The following FILIP1L variants were observed in gnomAD, a reference collection of about 807,000 sequenced individuals.
FILIP1L encodes filamin A-interacting protein 1-like.
In FILIP1L, 55 loss-of-function variants were observed where a neutral mutation model predicts 96.6. The ratio of observed to expected loss-of-function variants is 0.57; its 90% CI spans 0.46 to 0.71. FILIP1L has a LOEUF of 0.71. Among genes scored for constraint, FILIP1L ranks in the 30% least tolerant of loss-of-function variants. The pLI is 0.00. For synonymous variants in FILIP1L, 467 were observed against 473.9 expected (o/e 0.99, Z 0.19); for missense variants, 1,304 against 1,321.2 (o/e 0.99, Z 0.20).
intron 1 of FILIP1L, among the ~76,000 whole-genome samples, chr3:99,979,750 C>G (rs1709066778): frequency 6.6e-6 from 1 of 152,084 alleles, no homozygotes; most frequent in African/African-American, 2.4e-5. Flanking sequence ...TGGCATTGCT[C>G]TAGTATTGTA....
intron 1 of FILIP1L, among the ~76,000 whole-genome samples, chr3:100,112,503 A>C (rs779687484): frequency 1.3e-5 from 2 of 152,244 alleles, no homozygotes; most frequent in Non-Finnish European, 2.9e-5. Flanking sequence ...TAAATTTATT[A>C]CTTAAATTTA....
chr3:99,927,455 C>T (rs373318723), intron 3 of FILIP1L, among the ~76,000 whole-genome samples: 28 of 151,748 alleles, frequency 1.8e-4, no homozygotes, highest in African/African-American at 6.5e-4. Context: ...TCGCGATCTC[C>T]GCCTCCTGGG....
At position 99,849,250 on chromosome 3, in the gene FILIP1L, G is replaced by A. The variant is rs1353519971; in HGVS notation, c.2426C>T (p.Pro809Leu). 2 of 1,614,096 alleles carry A rather than the reference G, an allele frequency of 1.2e-6. No homozygotes were observed. Among genetic ancestry groups the A allele is most frequent in the East Asian group, 4.5e-5 (2 of 44,890 alleles). ...EVQTEAVDNEPPDYKSLIPLE... is the reference protein window; with the variant it reads ...EVQTEAVDNELPDYKSLIPLE... The stretch of plus-strand genomic sequence containing the variant: ...AGGAATGAGGCTCTTGTAATCAGGT[G>A]GTTCATTGTCTACTGCTTCTGTCTG... The change falls in exon 5 of 6, where the codon CCA (proline) becomes CTA (leucine). Residue 809 changes from proline to leucine, a missense_variant. Transcript: ENST00000477258.
chr3:100,023,029 T>A (rs148976260), intron 1 of FILIP1L, among the ~76,000 whole-genome samples: 1 of 152,244 alleles, frequency 6.6e-6, no homozygotes, highest in East Asian at 1.9e-4. Context: ...CACCTCTCCA[T>A]GAGTTTCAGG....
chr3:100,021,974 A>T (rs866849784), intron 1 of FILIP1L, among the ~76,000 whole-genome samples: 3,263 of 146,614 alleles, frequency 0.022, 127 homozygotes, highest in African/African-American at 0.078. Flanking sequence ...AGAGAGAGAG[A>T]GAGAGAGAGA....
intron 1 of FILIP1L, among the ~76,000 whole-genome samples, chr3:100,001,402 T>C (rs565386011): frequency 5.3e-5 from 8 of 152,340 alleles, no homozygotes; most frequent in Non-Finnish European, 8.8e-5. Flanking sequence ...TATCTGGCTT[T>C]TTAGGGAAAA....
At chr3:99,863,334 G>C (rs982930197) in intron 4 of FILIP1L, among the ~76,000 whole-genome samples, 1 of 152,172 alleles carries the variant, frequency 6.6e-6, no homozygotes, top group African/African-American at 2.4e-5. Flanking sequence ...CTCCTGCTAT[G>C]TGACCCGGTA....
At chr3:99,935,246 T>C (rs1707624392) in intron 1 of FILIP1L, among the ~76,000 whole-genome samples, 1 of 133,052 alleles carries the variant, frequency 7.5e-6, no homozygotes, top group Non-Finnish European at 1.6e-5. Context: ...GCAACAGTGG[T>C]TTGGGATTTT....
chr3:99,869,415 A>G (rs951293892), intron 4 of FILIP1L, among the ~76,000 whole-genome samples: 3 of 152,236 alleles, frequency 2.0e-5, no homozygotes, highest in Non-Finnish European at 4.4e-5. Flanking sequence ...GCGACTTCAA[A>G]CATAATGTAT....
At chr3:99,944,515 T>C (rs954993384) in intron 1 of FILIP1L, among the ~76,000 whole-genome samples, 10 of 152,226 alleles carry the variant, frequency 6.6e-5, no homozygotes, top group Admixed American at 4.6e-4. Flanking sequence ...TAAGGCACTT[T>C]GTGCACACTA....
intron 1 of FILIP1L, among the ~76,000 whole-genome samples, chr3:99,968,016 A>G (rs748430130): frequency 6.6e-6 from 1 of 152,242 alleles, no homozygotes; most frequent in Non-Finnish European, 1.5e-5. Context: ...ACCAAGCAGT[A>G]TGCTGTTCAC....
chr3:99,966,873 G>C (rs1346926308), intron 1 of FILIP1L, among the ~76,000 whole-genome samples: 2 of 152,164 alleles, frequency 1.3e-5, no homozygotes, highest in Non-Finnish European at 2.9e-5. Context: ...ACTAACTCAA[G>C]CTGGCAGAAC....
chr3:99,977,907 A>G (rs1709017410), intron 1 of FILIP1L, among the ~76,000 whole-genome samples: 1 of 152,194 alleles, frequency 6.6e-6, no homozygotes, highest in South Asian at 2.1e-4. Flanking sequence ...TATATACACC[A>G]TTAACCTAAA....
Position 99,845,108 on chromosome 3 carries a change from T to C in FILIP1L, c.3381+3187A>G, listed in dbSNP as rs533018894. ...GTGGAGACCTTACAAAGAGTGTATG[T>C]AATTTTATCATGATCTTGATTGAAC... is the stretch of plus-strand genomic sequence containing the variant. On this transcript the variant is annotated intron_variant, in intron 5 of 5. Transcript: ENST00000477258. Among the ~76,000 whole-genome samples, 15 of 152,296 alleles carry C rather than the reference T, an allele frequency of 9.8e-5. No individual in the cohort carries two copies. The South Asian group carries it at 2.7e-3, about 27-fold the overall frequency.
At chr3:100,004,538 G>A (rs750087803) in intron 1 of FILIP1L, among the ~76,000 whole-genome samples, 25 of 152,126 alleles carry the variant, frequency 1.6e-4, no homozygotes, top group Admixed American at 3.3e-4. Flanking sequence ...TGCAGGTGAC[G>A]TTTGAAAGAA....
intron 1 of FILIP1L, among the ~76,000 whole-genome samples, chr3:100,090,580 TTCTC>T (rs2066086926): frequency 6.6e-6 from 1 of 152,224 alleles, no homozygotes; most frequent in Non-Finnish European, 1.5e-5. Flanking sequence ...CCTGGGCTCT[TTCTC>T]TGCAACACTA....
At chr3:99,980,442 A>G (rs1233866050) in intron 1 of FILIP1L, among the ~76,000 whole-genome samples, 1 of 152,234 alleles carries the variant, frequency 6.6e-6, no homozygotes, top group East Asian at 1.9e-4. Context: ...GGTCTGAGGC[A>G]GTTCCTCATA....
intron 4 of FILIP1L, among the ~76,000 whole-genome samples, chr3:99,883,901 T>C (rs536234036): frequency 9.4e-4 from 143 of 152,308 alleles, no homozygotes; most frequent in African/African-American, 3.2e-3. Flanking sequence ...GCACCAGAGT[T>C]TGAACTGCAT....
chr3:100,035,543 G>A (rs1214082268), intron 1 of FILIP1L, among the ~76,000 whole-genome samples: 5 of 152,252 alleles, frequency 3.3e-5, no homozygotes, highest in South Asian at 2.1e-4. Flanking sequence ...AATTACAGGC[G>A]TGAGACACTG....
Sources: allele counts gnomAD v4.1 joint callset (sites outside exome capture counted in the v4.1 genomes callset), GRCh38; gene constraint gnomAD v4.1.1; transcripts MANE v1.5; gene names NCBI Gene and HGNC (gene_info 2026-07-23, HGNC 2026-07-21).